Variants in SHISA6 observed in about 807,000 individuals in gnomAD.
SHISA6 encodes protein shisa-6.
In SHISA6, 22 loss-of-function variants were observed where a neutral mutation model predicts 47.9. The observed-to-expected ratio is 0.46, with a 90% confidence interval of 0.33 to 0.66. The LOEUF (loss-of-function observed/expected upper bound fraction) is 0.66, where lower values mean the gene tolerates loss of function less well. Ranked by LOEUF, SHISA6 falls within the 30% of genes least tolerant of loss-of-function variation. The pLI is 0.02. For missense variants in SHISA6, 680 were observed against 764.6 expected (o/e 0.89, Z 1.30); for synonymous variants, 388 against 337.8 (o/e 1.15, Z -1.63).
At chr17:11,375,828 G>A (rs530922358) in intron 2 of SHISA6, among the ~76,000 whole-genome samples, 47 of 152,256 alleles carry the variant, frequency 3.1e-4, no homozygotes, top group Non-Finnish European at 5.7e-4. Context: ...GCTTTAGGGA[G>A]GGTTGTCAGT....
rs75758163 is a variant in SHISA6 at position 11,532,310 on chromosome 17, G to T, written c.896-19586G>T. 9.6e-3 allele frequency among the ~76,000 whole-genome samples: 1,469 copies of T among 152,296 alleles called. 30 individuals carry two copies. Among genetic ancestry groups the T allele is most frequent in the African/African-American group, 0.034 (1,406 of 41,566 alleles). Reference sequence around the variant, plus strand: ...CACTCCCAGCCAAGACATGGAGAAGGAGTGTCTGATGAGGCAGCAAAGTGT... The same window carrying T: ...CACTCCCAGCCAAGACATGGAGAAGTAGTGTCTGATGAGGCAGCAAAGTGT... On this transcript the variant is annotated intron_variant, in intron 3 of 5. Transcript: ENST00000441885.
intron 3 of SHISA6, among the ~76,000 whole-genome samples, chr17:11,479,113 T>C (rs961468280): frequency 6.6e-6 from 1 of 152,064 alleles, no homozygotes; most frequent in Non-Finnish European, 1.5e-5. Context: ...GTTTGCAATA[T>C]ACACCTACAG....
At chr17:11,375,097 C>T (rs1430412297) in intron 2 of SHISA6, among the ~76,000 whole-genome samples, 3 of 152,094 alleles carry the variant, frequency 2.0e-5, no homozygotes, top group Non-Finnish European at 4.4e-5. Context: ...TTTAAAATGG[C>T]ATTTCACCAG....
intron 2 of SHISA6, among the ~76,000 whole-genome samples, chr17:11,306,460 T>C (rs530161200): frequency 6.6e-6 from 1 of 152,174 alleles, no homozygotes; most frequent in Non-Finnish European, 1.5e-5. Flanking sequence ...GGTTTCTGAT[T>C]GAGACCCTGG....
intron 3 of SHISA6, among the ~76,000 whole-genome samples, chr17:11,433,007 C>T (rs1339604545): frequency 6.6e-6 from 1 of 152,100 alleles, no homozygotes; most frequent in African/African-American, 2.4e-5. Context: ...TGTGAATACA[C>T]AAAAAACCAT....
At chr17:11,317,367 C>CT (rs916814116) in intron 2 of SHISA6, among the ~76,000 whole-genome samples, 85 of 149,742 alleles carry the variant, frequency 5.7e-4, no homozygotes, top group Middle Eastern at 3.6e-3. Flanking sequence ...TGTTTTGATG[C>CT]TTTTTTTTTG....
intron 2 of SHISA6, among the ~76,000 whole-genome samples, chr17:11,310,174 T>C (rs1910267821): frequency 6.6e-6 from 1 of 152,200 alleles, no homozygotes; most frequent in Non-Finnish European, 1.5e-5. Context: ...ATTTTCTTAC[T>C]GTCTTGACTT....
intron 3 of SHISA6, among the ~76,000 whole-genome samples, chr17:11,383,186 T>TGC: frequency 6.6e-6 from 1 of 151,960 alleles, no homozygotes; most frequent in East Asian, 1.9e-4. Flanking sequence ...GATCTGCCCA[T>TGC]CTCAGCCTCT....
intron 3 of SHISA6, among the ~76,000 whole-genome samples, chr17:11,394,907 C>T (rs1331410099): frequency 6.6e-6 from 1 of 150,940 alleles, no homozygotes; most frequent in African/African-American, 2.4e-5. Context: ...TACAGTTTTG[C>T]AACTATATGT....
intron 3 of SHISA6, among the ~76,000 whole-genome samples, chr17:11,509,088 C>T (rs368502967): frequency 1.3e-5 from 2 of 152,300 alleles, no homozygotes; most frequent in South Asian, 2.1e-4. Flanking sequence ...TCAGAATCAT[C>T]AGGGAGAAGG....
At chr17:11,254,514 G>A (rs556961092) in intron 1 of SHISA6, among the ~76,000 whole-genome samples, 34 of 152,272 alleles carry the variant, frequency 2.2e-4, no homozygotes, top group African/African-American at 7.9e-4. Flanking sequence ...AGGATCTCTT[G>A]GTAGAAGAGG....
intron 3 of SHISA6, among the ~76,000 whole-genome samples, chr17:11,509,543 T>C (rs1349751119): frequency 6.6e-6 from 1 of 152,214 alleles, no homozygotes; most frequent in Non-Finnish European, 1.5e-5. Context: ...AGCTGTTTAC[T>C]GGATACTCAC....
At chr17:11,256,936 CGGCTT>C (rs1197267995) in intron 1 of SHISA6, among the ~76,000 whole-genome samples, 1 of 152,186 alleles carries the variant, frequency 6.6e-6, no homozygotes, top group Non-Finnish European at 1.5e-5. Flanking sequence ...GAAACTCGCT[CGGCTT>C]GCCTGAAAAA....
intron 3 of SHISA6, among the ~76,000 whole-genome samples, chr17:11,532,751 T>A (rs2071747187): frequency 6.8e-6 from 1 of 146,444 alleles, no homozygotes; most frequent in Non-Finnish European, 1.5e-5. Flanking sequence ...TTTTTTTTTT[T>A]TTTTTTTTTT....
chr17:11,500,966 G>A (rs1226944391), intron 3 of SHISA6, among the ~76,000 whole-genome samples: 1 of 152,184 alleles, frequency 6.6e-6, no homozygotes, highest in African/African-American at 2.4e-5. Flanking sequence ...TGTAAGTGGT[G>A]TCATGAGTCC....
chr17:11,355,923 A>C (rs1474869886), intron 2 of SHISA6, among the ~76,000 whole-genome samples: 1 of 152,236 alleles, frequency 6.6e-6, no homozygotes, highest in East Asian at 1.9e-4. Flanking sequence ...AGATCAAAAC[A>C]CAGATATACA....
At chr17:11,306,353 G>T (rs1433481406) in intron 2 of SHISA6, among the ~76,000 whole-genome samples, 2 of 152,178 alleles carry the variant, frequency 1.3e-5, no homozygotes, top group Non-Finnish European at 2.9e-5. Flanking sequence ...CAATTCACAA[G>T]AACAGTTTCC....
At chr17:11,295,266 A>G (rs1376489769) in intron 2 of SHISA6, among the ~76,000 whole-genome samples, 1 of 152,212 alleles carries the variant, frequency 6.6e-6, no homozygotes, top group Non-Finnish European at 1.5e-5. Flanking sequence ...TTGGAGTACC[A>G]TAGTCACAAT....
intron 2 of SHISA6, among the ~76,000 whole-genome samples, chr17:11,375,758 A>C (rs1461588843): frequency 6.6e-6 from 1 of 152,138 alleles, no homozygotes; most frequent in African/African-American, 2.4e-5. Context: ...AAAGGCATGG[A>C]GTTCTGACGG....
Sources: gnomAD v4.1 joint callset for allele counts (sites outside exome capture counted in the v4.1 genomes callset) on GRCh38, gnomAD v4.1.1 for gene constraint, MANE v1.5 for transcripts, NCBI Gene and HGNC (gene_info 2026-07-23, HGNC 2026-07-21) for gene names.